ADGRL2: variants seen among roughly 807,000 people sequenced by gnomAD.
ADGRL2 encodes adhesion G protein-coupled receptor L2.
ADGRL2 carries 44 observed loss-of-function variants against 157.4 expected under a neutral mutation model. That is an observed-to-expected ratio of 0.28 (90% confidence interval 0.22 to 0.36). The LOEUF (loss-of-function observed/expected upper bound fraction) is 0.36, where lower values mean the gene tolerates loss of function less well. Among genes scored for constraint, ADGRL2 ranks in the 10% least tolerant of loss-of-function variants. The pLI is 1.00. For missense variants in ADGRL2, 1,510 were observed against 1,768.9 expected, an observed-to-expected ratio of 0.85 and a Z score of 2.63; for synonymous variants, 585 against 624.7, an observed-to-expected ratio of 0.94 and a Z score of 0.95.
chr1:81,710,044 C>T (rs911239172), intron 1 of ADGRL2, among the ~76,000 whole-genome samples: 3 of 152,016 alleles, frequency 2.0e-5, no homozygotes, highest in Non-Finnish European at 2.9e-5. Context: ...TGGAAATAGG[C>T]GTTACAAGGC....
chr1:81,697,361 T>C (rs978099472), upstream of ADGRL2, among the ~76,000 whole-genome samples: 2 of 152,236 alleles, frequency 1.3e-5, no homozygotes, highest in African/African-American at 2.4e-5. Flanking sequence ...TCAATAAAAA[T>C]GATAGGAGTT....
rs72937026 is a variant in ADGRL2, at chr1:81,348,519, A to G, written c.-302+42010A>G. Among the ~76,000 whole-genome samples the G allele has an allele frequency of 6.8e-3, 1,032 of 152,252 alleles. 10 individuals are homozygous for G. The highest frequency in any genetic ancestry group is 0.023 in the African/African-American group (957 of 41,544). On this transcript the variant is annotated intron_variant, in intron 1 of 24. Transcript: ENST00000370721. ...TGAAAACAATTTTATTAAACGCTTCAGAGGATTTCTCTGAACTTGGCTAAA... is the reference window on the plus strand; with the variant it reads ...TGAAAACAATTTTATTAAACGCTTCGGAGGATTTCTCTGAACTTGGCTAAA...
At position 81,987,032 on chromosome 1, in the gene ADGRL2, G is replaced by T. The variant is rs1663358475; in HGVS notation, c.3637+3G>T. On this transcript the variant is annotated splice_donor_region_variant and intron_variant, in intron 22 of 23. Transcript: ENST00000686636. ...AGCTCCTGTATTTAACTCACCAGGTGTGCTTTACTTACAAATAAAACTACC... is the reference window on the plus strand; with the variant it reads ...AGCTCCTGTATTTAACTCACCAGGTTTGCTTTACTTACAAATAAAACTACC... The T allele has an allele frequency of 1.2e-6, 2 of 1,609,110 alleles. No individual in the cohort carries two copies. Among genetic ancestry groups the T allele is most frequent in the Admixed American group, 3.4e-5 (2 of 59,418 alleles).
At chr1:81,631,430 T>C (rs549802733) in intron 3 of ADGRL2, among the ~76,000 whole-genome samples, 6 of 152,140 alleles carry the variant, frequency 3.9e-5, no homozygotes, top group Non-Finnish European at 7.4e-5. Flanking sequence ...TTGGCCAGGC[T>C]GGTCTGGAAC....
chr1:81,873,928 T>G (rs1372813851), intron 2 of ADGRL2, among the ~76,000 whole-genome samples: 1 of 152,036 alleles, frequency 6.6e-6, no homozygotes, highest in Non-Finnish European at 1.5e-5. Flanking sequence ...TGTACAAAGG[T>G]CTCTAATTAT....
chr1:81,384,959 T>C (rs2076409646), intron 1 of ADGRL2, among the ~76,000 whole-genome samples: 1 of 152,168 alleles, frequency 6.6e-6, no homozygotes, highest in South Asian at 2.1e-4. Flanking sequence ...CTTCCTCCTA[T>C]TCAATTTGAA....
chr1:81,634,333 G>A (rs548396644), intron 3 of ADGRL2, among the ~76,000 whole-genome samples: 3 of 151,934 alleles, frequency 2.0e-5, no homozygotes, highest in South Asian at 2.1e-4. Context: ...TGATCTTTCC[G>A]AAGCTTAATC....
At chr1:81,831,846 G>A (rs1359608442) in intron 1 of ADGRL2, among the ~76,000 whole-genome samples, 1 of 152,030 alleles carries the variant, frequency 6.6e-6, no homozygotes, top group African/African-American at 2.4e-5. Flanking sequence ...GTAAATATTT[G>A]TTGAAGGAAT....
At chr1:81,318,730 G>A (rs1336762239) in intron 1 of ADGRL2, among the ~76,000 whole-genome samples, 1 of 151,892 alleles carries the variant, frequency 6.6e-6, no homozygotes, top group Non-Finnish European at 1.5e-5. Flanking sequence ...TTGGAAAAAT[G>A]TTTTATAAAA....
chr1:81,499,879 T>G (rs2078808324), intron 2 of ADGRL2, among the ~76,000 whole-genome samples: 1 of 152,192 alleles, frequency 6.6e-6, no homozygotes, highest in East Asian at 1.9e-4. Flanking sequence ...AGTGATACAT[T>G]TTATATTTAT....
At chr1:81,376,621 C>T (rs2076255520) in intron 1 of ADGRL2, among the ~76,000 whole-genome samples, 1 of 151,528 alleles carries the variant, frequency 6.6e-6, no homozygotes, top group African/African-American at 2.4e-5. Flanking sequence ...CCCTCTCTCC[C>T]TTTCTCTTCT....
chr1:81,634,547 G>C (rs1472176351), intron 3 of ADGRL2, among the ~76,000 whole-genome samples: 1 of 142,276 alleles, frequency 7.0e-6, no homozygotes, highest in East Asian at 2.0e-4. Flanking sequence ...TTGTTTGTTT[G>C]TTTTTGAGAT....
At chr1:81,616,654 TTTTTC>T (rs374350208) in intron 3 of ADGRL2, among the ~76,000 whole-genome samples, 226 of 104,678 alleles carry the variant, frequency 2.2e-3, no homozygotes, top group Non-Finnish European at 3.4e-3. Context: ...GGGTTTTTTT[TTTTTC>T]TTTTCTTTTC....
chr1:81,929,992 CAATT>C (rs1259192109), intron 3 of ADGRL2, among the ~76,000 whole-genome samples: 1 of 152,106 alleles, frequency 6.6e-6, no homozygotes, highest in Non-Finnish European at 1.5e-5. Flanking sequence ...TATGGACTCA[CAATT>C]AAGTAAGCAG....
At chr1:81,691,664 A>G (rs148555346) in intron 3 of ADGRL2, among the ~76,000 whole-genome samples, 1 of 151,498 alleles carries the variant, frequency 6.6e-6, no homozygotes, top group Admixed American at 6.6e-5. Context: ...ACACTTAGCT[A>G]ATTTTGTATT....
intron 2 of ADGRL2, among the ~76,000 whole-genome samples, chr1:81,867,167 T>C (rs2093565143): frequency 6.6e-6 from 1 of 152,226 alleles, no homozygotes. Flanking sequence ...TTAGTCATCT[T>C]ACTTGCTTTT....
intron 3 of ADGRL2, among the ~76,000 whole-genome samples, chr1:81,925,047 G>T (rs576263691): frequency 6.6e-6 from 1 of 152,128 alleles, no homozygotes; most frequent in Non-Finnish European, 1.5e-5. Context: ...GACCATGAGG[G>T]TATACTCTCT....
At chr1:81,812,482 T>G (rs2089976525) in intron 1 of ADGRL2, among the ~76,000 whole-genome samples, 1 of 151,728 alleles carries the variant, frequency 6.6e-6, no homozygotes, top group South Asian at 2.1e-4. Context: ...TATTTTTGAT[T>G]AAAAATAACT....
upstream of ADGRL2, chr1:81,306,146 C>T (rs1014386409): frequency 2.0e-4 from 30 of 152,202 alleles, no homozygotes; most frequent in Non-Finnish European, 1.5e-5. Flanking sequence ...TATCCACGCT[C>T]TCCGATCTCG....
Sources: allele counts gnomAD v4.1 joint callset (sites outside exome capture counted in the v4.1 genomes callset), GRCh38; gene constraint gnomAD v4.1.1; transcripts MANE v1.5; gene names NCBI Gene and HGNC (gene_info 2026-07-23, HGNC 2026-07-21).